The following HTT variants were observed in gnomAD, a reference collection of about 807,000 sequenced individuals.
HTT encodes huntingtin.
Under a neutral mutation model 362.3 loss-of-function variants are expected in HTT, and 104 were observed. The ratio of observed to expected loss-of-function variants is 0.29; its 90% CI spans 0.24 to 0.34. The LOEUF is 0.34. HTT is among the 10% of genes least tolerant of loss of function. The pLI is 1.00. For missense variants in HTT, 3,301 were observed against 3,928.6 expected (o/e 0.84, Z 4.27); for synonymous variants, 1,577 against 1,548.7 (o/e 1.02, Z -0.43).
At position 3,116,804 on chromosome 4, in the gene HTT, C is replaced by T. The variant is rs560224748; in HGVS notation, c.1068+541C>T. Among the ~76,000 whole-genome samples, 3 of 152,342 alleles carry T rather than the reference C, an allele frequency of 2.0e-5. No homozygotes were observed. The East Asian group carries it at 5.8e-4, about 29-fold the overall frequency. ...AGTAATTCTAATGTACTGTGATTGG[C>T]AGTTGACTTCAGTTCTTTGTAGCAC... On this transcript the variant is annotated intron_variant, in intron 8 of 66. Coordinates refer to ENST00000355072, the MANE Select transcript of HTT (RefSeq NM_001388492.1).
intron 40 of HTT, among the ~76,000 whole-genome samples, chr4:3,194,206 T>G (rs891208243): frequency 6.6e-5 from 10 of 152,234 alleles, no homozygotes; most frequent in Non-Finnish European, 1.3e-4. Flanking sequence ...TGGGTACTTC[T>G]TAAATAATAC....
At chr4:3,122,429 T>TA (rs939298452) in intron 9 of HTT, among the ~76,000 whole-genome samples, 5 of 152,372 alleles carry the variant, frequency 3.3e-5, no homozygotes, top group African/African-American at 1.2e-4. Flanking sequence ...ACTGAAGTCT[T>TA]ACTGCTGCCT....
intron 66 of HTT, 118 bp from the exon 67 acceptor site, chr4:3,239,728 C>T (rs576773695): frequency 3.2e-5 from 25 of 787,678 alleles, no homozygotes; most frequent in East Asian, 1.6e-4. Context: ...GGGCTCTGCT[C>T]GCTCTCCAGG....
intron 11 of HTT, among the ~76,000 whole-genome samples, chr4:3,126,843 CCA>C (rs1715542389): frequency 6.6e-6 from 1 of 152,160 alleles, no homozygotes; most frequent in African/African-American, 2.4e-5. Context: ...CAAGCCCACC[CCA>C]GAGAGATGAG....
intron 4 of HTT, among the ~76,000 whole-genome samples, chr4:3,104,160 T>G (rs769927897): frequency 6.6e-6 from 1 of 152,044 alleles, no homozygotes; most frequent in Non-Finnish European, 1.5e-5. Flanking sequence ...TACAGTGGCA[T>G]GACCTTGGCT....
rs1442946141 is a variant in HTT at position 3,239,080 on chromosome 4, A to G, written c.9215+102A>G. Reference sequence around the variant, plus strand: ...GAAACCTAACCTTTGCAAAAACCCCACAGATGCCAGGGTGACAGGCCCTCA... The same window carrying G: ...GAAACCTAACCTTTGCAAAAACCCCGCAGATGCCAGGGTGACAGGCCCTCA... On this transcript the variant is annotated intron_variant, in intron 66 of 66. Transcript: ENST00000355072. 8.1e-6 allele frequency: 10 copies of G among 1,241,978 alleles called. No individual in the cohort carries two copies. In the African/African-American group the frequency reaches 1.2e-4, roughly 15 times the overall value. 76.9% of individuals were successfully genotyped at this position (1,241,978 alleles called of 1,614,324 possible).
intron 8 of HTT, among the ~76,000 whole-genome samples, chr4:3,117,903 C>G (rs1349029233): frequency 6.6e-6 from 1 of 152,158 alleles, no homozygotes; most frequent in Non-Finnish European, 1.5e-5. Flanking sequence ...TAAACATTTC[C>G]TACATCAAAT....
In HTT at chr4:3,177,030, A is replaced by G. The variant is rs148590522; in HGVS notation, c.4408-302A>G. 8.5e-5 allele frequency among the ~76,000 whole-genome samples: 13 copies of G among 152,334 alleles called. No individual in the cohort carries two copies. The East Asian group carries it at 1.5e-3, about 18-fold the overall frequency. ...GGGAATCTGTGCCACCCTATCTGCC[A>G]TTAACGTGAACAGATGAGTCCCCAA... On this transcript the variant is annotated intron_variant, in intron 33 of 66. Transcript: ENST00000355072.
At chr4:3,138,917 T>G (rs1221221428) in intron 21 of HTT, among the ~76,000 whole-genome samples, 1 of 152,070 alleles carries the variant, frequency 6.6e-6, no homozygotes, top group African/African-American at 2.4e-5. Flanking sequence ...CCGGCTGATA[T>G]TTCTTTTTAA....
At position 3,238,520 on chromosome 4, in the gene HTT, C is replaced by G; in HGVS notation, c.8965C>G (p.Pro2989Ala). The G allele has an allele frequency of 6.2e-7, 1 of 1,613,286 alleles. No homozygotes were observed. Among genetic ancestry groups the G allele is most frequent in the Non-Finnish European group, 8.5e-7 (1 of 1,179,602 alleles). ...GCCCCAGTTTCTAGACGACTTCTTC[C>G]CACCCCAGGACATCATGAACAAAGT... ...ILPQFLDDFF[P>A]PQDIMNKVIG... Residue 2989 changes from proline to alanine, a missense_variant, in exon 65 of 67, where the codon CCA becomes GCA. Transcript: ENST00000355072.
At chr4:3,202,440 TG>T (rs1380521973) in intron 41 of HTT, among the ~76,000 whole-genome samples, 4 of 152,122 alleles carry the variant, frequency 2.6e-5, no homozygotes, top group Non-Finnish European at 4.4e-5. Context: ...ACAGCTTGAG[TG>T]TAAGTCACAC....
At chr4:3,108,510 C>T (rs1714553207) in intron 6 of HTT, among the ~76,000 whole-genome samples, 1 of 152,222 alleles carries the variant, frequency 6.6e-6, no homozygotes, top group African/African-American at 2.4e-5. Context: ...GTTTGCCCAT[C>T]TGTACACTGG....
chr4:3,111,116 C>T (rs1484872841), intron 6 of HTT, among the ~76,000 whole-genome samples: 1 of 151,992 alleles, frequency 6.6e-6, no homozygotes, highest in Non-Finnish European at 1.5e-5. Context: ...TTCCTGGGCT[C>T]AAGCAGCTGT....
chr4:3,158,715 G>A (rs1269297834), intron 28 of HTT, among the ~76,000 whole-genome samples: 2 of 151,828 alleles, frequency 1.3e-5, no homozygotes, highest in Admixed American at 6.6e-5. Context: ...GATAATTTTG[G>A]AAGATATGAA....
chr4:3,140,229 C>A (rs1423182957), intron 21 of HTT, among the ~76,000 whole-genome samples: 1 of 150,686 alleles, frequency 6.6e-6, no homozygotes, highest in Non-Finnish European at 1.5e-5. Flanking sequence ...CCATTGTACT[C>A]CGGCCTGGGC....
chr4:3,177,264 G>C, intron 33 of HTT, 68 bp from the exon 34 acceptor site: 1 of 1,057,308 alleles, frequency 9.5e-7, no homozygotes. Flanking sequence ...ATAAGCAGGA[G>C]GAAAAGAAGC....
chr4:3,239,511 C>T (rs1030760318), intron 66 of HTT, among the ~76,000 whole-genome samples: 9 of 152,238 alleles, frequency 5.9e-5, no homozygotes, highest in East Asian at 1.9e-4. Flanking sequence ...CCTTGCCCGG[C>T]GTGCCTGGCA....
At chr4:3,187,444 A>G (rs1318055590) in intron 38 of HTT, among the ~76,000 whole-genome samples, 2 of 152,208 alleles carry the variant, frequency 1.3e-5, no homozygotes, top group Non-Finnish European at 2.9e-5. Context: ...TGGCTCTCGC[A>G]CCAAGCCAAG....
chr4:3,100,119 G>A lies in HTT; in HGVS notation c.468+725G>A, dbSNP rs187362000. 1.3e-3 allele frequency among the ~76,000 whole-genome samples: 202 copies of A among 152,314 alleles called. 2 individuals carry two copies. The highest frequency in any genetic ancestry group is 2.2e-3 in the Non-Finnish European group (153 of 68,026). On this transcript the variant is annotated intron_variant, in intron 3 of 66. Coordinates refer to ENST00000355072, the MANE Select transcript of HTT (RefSeq NM_001388492.1). ...TGCTCCTGGGAAAATGTCACTACAG[G>A]CACCAGAGAAGCCAGAGCTATGCCC... is the stretch of plus-strand genomic sequence containing the variant.
Sources: gnomAD v4.1 joint callset for allele counts (sites outside exome capture counted in the v4.1 genomes callset) on GRCh38, gnomAD v4.1.1 for gene constraint, MANE v1.5 for transcripts, NCBI Gene and HGNC (gene_info 2026-07-23, HGNC 2026-07-21) for gene names.